The following ATIC variants were observed in gnomAD, a reference collection of about 807,000 sequenced individuals.
The protein encoded by ATIC is 5-aminoimidazole-4-carboxamide ribonucleotide formyltransferase/IMP cyclohydrolase, also known as bifunctional purine biosynthesis protein ATIC.
A neutral mutation model predicts 72.5 loss-of-function variants in ATIC; 64 were observed. The observed-to-expected ratio is 0.88, with a 90% CI of 0.72 to 1.09. The LOEUF is 1.09. Among genes scored for constraint, ATIC ranks in the 50% least tolerant of loss-of-function variants. ATIC has a pLI of 0.00. For synonymous variants in ATIC, 281 were observed against 267.1 expected (o/e 1.05, Z -0.51); for missense variants, 787 against 732.4 (o/e 1.07, Z -0.86).
At chr2:215,338,033 A>G (rs1259739529) in intron 11 of ATIC, among the ~76,000 whole-genome samples, 2 of 152,242 alleles carry the variant, frequency 1.3e-5, no homozygotes, top group Non-Finnish European at 2.9e-5. Flanking sequence ...AAGAAAATGT[A>G]GATTAAACAG....
chr2:215,344,483 G>T (rs1352949342), intron 12 of ATIC, among the ~76,000 whole-genome samples: 4 of 152,112 alleles, frequency 2.6e-5, no homozygotes, highest in Non-Finnish European at 5.9e-5. Flanking sequence ...TTGAGCTCAG[G>T]AGTTCGAGAC....
intron 14 of ATIC, chr2:215,347,786 T>TA: frequency 2.5e-6 from 1 of 403,512 alleles, no homozygotes; most frequent in Non-Finnish European, 4.8e-6. Context: ...TGAACAAGAA[T>TA]AAAAGTATGT....
intron 4 of ATIC, among the ~76,000 whole-genome samples, chr2:215,322,621 C>T (rs1050528766): frequency 6.6e-6 from 1 of 152,008 alleles, no homozygotes; most frequent in Non-Finnish European, 1.5e-5. Flanking sequence ...TGTGAGCCAC[C>T]GCACCCGGCG....
At chr2:215,352,354 G>A (rs1396799973), downstream of ATIC, among the ~76,000 whole-genome samples, 2 of 152,132 alleles carry the variant, frequency 1.3e-5, no homozygotes, top group African/African-American at 4.8e-5. Context: ...GGCCGAGGTG[G>A]GTGGATCACC....
chr2:215,321,600 G>A (rs1251553058), intron 4 of ATIC, among the ~76,000 whole-genome samples: 1 of 152,182 alleles, frequency 6.6e-6, no homozygotes, highest in Non-Finnish European at 1.5e-5. Context: ...CAGCAGCAGT[G>A]TGCTGGATGG....
chr2:215,312,379 C>G, intron 1 of ATIC, 119 bp from the exon 2 acceptor site: 1 of 1,570,040 alleles, frequency 6.4e-7, no homozygotes, highest in South Asian at 1.1e-5. Context: ...GGCCTGCGAA[C>G]GCAGGGTCCA....
chr2:215,345,140 G>A, intron 13 of ATIC: 1 of 490,450 alleles, frequency 2.0e-6, no homozygotes, highest in South Asian at 2.1e-5. Context: ...GACTCTAATA[G>A]CTGTTACAAA....
chr2:215,331,139 T>C (rs1047658174), intron 7 of ATIC, among the ~76,000 whole-genome samples: 13 of 152,206 alleles, frequency 8.5e-5, no homozygotes, highest in African/African-American at 2.9e-4. Context: ...GATAAATACC[T>C]AATATTTTCT....
chr2:215,333,829 T>G (rs1242894365), intron 9 of ATIC, among the ~76,000 whole-genome samples: 1 of 151,868 alleles, frequency 6.6e-6, no homozygotes, highest in Non-Finnish European at 1.5e-5. Flanking sequence ...GATCACGAGG[T>G]CAGGAGATCG....
At chr2:215,352,020 C>A (rs746311434), downstream of ATIC, among the ~76,000 whole-genome samples, 1 of 152,086 alleles carries the variant, frequency 6.6e-6, no homozygotes, top group Non-Finnish European at 1.5e-5. Flanking sequence ...TTCCTACTGT[C>A]AAGATCATCA....
At position 215,326,893 on chromosome 2, in the gene ATIC, A is replaced by G. The variant is rs1375918734; in HGVS notation, c.603A>G (p.Val201=). The G allele has an allele frequency of 1.2e-6, 2 of 1,614,090 alleles. No individual in the cohort carries two copies. The highest frequency in any genetic ancestry group is 1.7e-6 in the Non-Finnish European group (2 of 1,180,048). The change falls in exon 7 of 16, where the codon GTA becomes GTG. Residue 201 remains valine (V), a synonymous_variant. Coordinates refer to ENST00000236959, the MANE Select transcript of ATIC (RefSeq NM_004044.7). The part of the protein sequence containing the change: ...DYFRKQYSKG[V]SQMPLRYGMN... Reference sequence around the variant, plus strand: ...TCAGGAAACAGTACAGCAAAGGCGTATCTCAGATGCCCTTGAGATATGGAA... The same window carrying G: ...TCAGGAAACAGTACAGCAAAGGCGTGTCTCAGATGCCCTTGAGATATGGAA...
chr2:215,341,183 CAATT>C (rs2053014858), intron 12 of ATIC, among the ~76,000 whole-genome samples: 1 of 152,106 alleles, frequency 6.6e-6, no homozygotes, highest in South Asian at 2.1e-4. Context: ...CTATCTTTGA[CAATT>C]AATGGTGTCC....
intron 2 of ATIC, among the ~76,000 whole-genome samples, chr2:215,313,035 TGTG>T (rs139064778): frequency 0.13 from 20,473 of 152,056 alleles, 1,754 homozygotes; most frequent in East Asian, 0.26. Context: ...AGGCGGAGGT[TGTG>T]GTGAGCCGAG....
intron 12 of ATIC, among the ~76,000 whole-genome samples, chr2:215,343,171 T>A (rs552107462): frequency 2.0e-4 from 31 of 151,812 alleles, no homozygotes; most frequent in Admixed American, 1.6e-3. Context: ...TTTTTTTTTT[T>A]AAAGACATGG....
At chr2:215,335,260 T>C (rs1479805205) in intron 10 of ATIC, among the ~76,000 whole-genome samples, 2 of 152,358 alleles carry the variant, frequency 1.3e-5, no homozygotes, top group South Asian at 2.1e-4. Flanking sequence ...AAATTCTTTG[T>C]TGTCTTCATG....
the ATIC span, among the ~76,000 whole-genome samples, chr2:215,368,369 C>T: frequency 6.6e-6 from 1 of 152,284 alleles, no homozygotes; most frequent in South Asian, 2.1e-4. Context: ...ACTAATGATG[C>T]CTCTCCATTG....
intron 4 of ATIC, among the ~76,000 whole-genome samples, chr2:215,321,483 T>C (rs2052766385): frequency 6.6e-6 from 1 of 152,210 alleles, no homozygotes; most frequent in African/African-American, 2.4e-5. Context: ...ATTCGTTTCA[T>C]TGGGGTATAT....
the ATIC span, among the ~76,000 whole-genome samples, chr2:215,365,966 ATTTTT>A: frequency 1.2e-4 from 11 of 90,338 alleles, no homozygotes; most frequent in South Asian, 3.7e-4. Context: ...CCACAGTGCT[ATTTTT>A]TTTTTTTTTT....
At chr2:215,315,058 C>G (rs2052694458) in intron 2 of ATIC, among the ~76,000 whole-genome samples, 1 of 152,094 alleles carries the variant, frequency 6.6e-6, no homozygotes, top group African/African-American at 2.4e-5. Flanking sequence ...TGCTAGTAGA[C>G]TGAGGTGGAG....
Sources: gnomAD v4.1 joint callset for allele counts (sites outside exome capture counted in the v4.1 genomes callset) on GRCh38, gnomAD v4.1.1 for gene constraint, MANE v1.5 for transcripts, NCBI Gene and HGNC (gene_info 2026-07-23, HGNC 2026-07-21) for gene names.